SHISA9: variants seen among roughly 807,000 people sequenced by gnomAD.
The protein encoded by SHISA9 is protein shisa-9.
Under a neutral mutation model 38.0 loss-of-function variants are expected in SHISA9, and 13 were observed. That is an observed-to-expected ratio of 0.34 (90% CI 0.22 to 0.54). The LOEUF is 0.54. SHISA9 is among the 20% of genes least tolerant of loss of function. The pLI, the probability that SHISA9 is intolerant of heterozygous loss-of-function variation, is 0.91. For missense variants in SHISA9, 538 were observed against 575.8 expected (o/e 0.93, Z 0.67); for synonymous variants, 275 against 242.0 (o/e 1.14, Z -1.27).
At chr16:12,916,162 T>C (rs1221716039) in intron 1 of SHISA9, among the ~76,000 whole-genome samples, 1 of 152,142 alleles carries the variant, frequency 6.6e-6, no homozygotes, top group Non-Finnish European at 1.5e-5. Context: ...CTTGAGCAGG[T>C]CGATTCACCT....
At chr16:13,078,596 G>C (rs1398319628) in intron 2 of SHISA9, among the ~76,000 whole-genome samples, 2 of 152,074 alleles carry the variant, frequency 1.3e-5, no homozygotes, top group Non-Finnish European at 2.9e-5. Flanking sequence ...AGTAGAGATG[G>C]AGTTTTGCCA....
At chr16:13,288,437 G>A in the SHISA9 span, among the ~76,000 whole-genome samples, 1 of 151,920 alleles carries the variant, frequency 6.6e-6, no homozygotes, top group Non-Finnish European at 1.5e-5. Context: ...GATTGGGGGA[G>A]AGAGAGAGAA....
intron 2 of SHISA9, among the ~76,000 whole-genome samples, chr16:13,112,734 G>C (rs1027647685): frequency 6.6e-6 from 1 of 152,036 alleles, no homozygotes; most frequent in Admixed American, 6.6e-5. Flanking sequence ...CTGTTGGGAG[G>C]AGGTGCTTGG....
At chr16:13,059,121 CTTTTTTTTTTTTTT>C (rs3075088) in intron 2 of SHISA9, among the ~76,000 whole-genome samples, 9 of 74,836 alleles carry the variant, frequency 1.2e-4, no homozygotes, top group Non-Finnish European at 2.1e-4. Flanking sequence ...AAAACTCTAT[CTTTTTTTTTTTTTT>C]TTTTTTTTTT....
intron 2 of SHISA9, among the ~76,000 whole-genome samples, chr16:13,024,754 A>C (rs1453652112): frequency 6.6e-6 from 1 of 152,196 alleles, no homozygotes; most frequent in East Asian, 1.9e-4. Flanking sequence ...GAGCTTCCAC[A>C]TACGGCACTT....
chr16:13,458,086 A>G, the SHISA9 span, among the ~76,000 whole-genome samples: 2 of 152,146 alleles, frequency 1.3e-5, no homozygotes. Flanking sequence ...ATGAACCTAT[A>G]TTGAGCACCT....
chr16:12,936,483 AAGAG>A (rs951672201), intron 2 of SHISA9, among the ~76,000 whole-genome samples: 1 of 152,180 alleles, frequency 6.6e-6, no homozygotes, highest in African/African-American at 2.4e-5. Flanking sequence ...GAGGGGAAGA[AAGAG>A]AGAGAGTGTA....
chr16:13,310,299 C>A, the SHISA9 span, among the ~76,000 whole-genome samples: 35 of 151,522 alleles, frequency 2.3e-4, no homozygotes, highest in Non-Finnish European at 3.8e-4. Context: ...TTTTAAAAAG[C>A]TGCTTTTTTT....
chr16:12,911,512 G>C (rs772241719), intron 1 of SHISA9: 4 of 413,830 alleles, frequency 9.7e-6, no homozygotes, highest in Non-Finnish European at 1.3e-5. Flanking sequence ...AACCAAGCTT[G>C]AGGGTGAAAT....
At chr16:13,516,564 C>G in the SHISA9 span, among the ~76,000 whole-genome samples, 1 of 152,164 alleles carries the variant, frequency 6.6e-6, no homozygotes, top group African/African-American at 2.4e-5. Context: ...CTTTGGGAGG[C>G]TGAGGTGGGT....
chr16:13,249,518 G>A, the SHISA9 span, among the ~76,000 whole-genome samples: 2 of 152,248 alleles, frequency 1.3e-5, no homozygotes, highest in African/African-American at 4.8e-5. Flanking sequence ...GATAAGCATT[G>A]GTACACTGAG....
At chr16:13,225,809 T>C (rs1156333366) in intron 4 of SHISA9, among the ~76,000 whole-genome samples, 1 of 152,198 alleles carries the variant, frequency 6.6e-6, no homozygotes, top group Non-Finnish European at 1.5e-5. Context: ...TGTCTGCTGC[T>C]AATTAAGAGA....
the SHISA9 span, among the ~76,000 whole-genome samples, chr16:13,495,985 T>A: frequency 6.6e-6 from 1 of 151,892 alleles, no homozygotes; most frequent in African/African-American, 2.4e-5. Context: ...AAAAAAGCTA[T>A]CCTAAAAAAT....
At chr16:13,221,779 A>G (rs2142074744) in intron 4 of SHISA9, among the ~76,000 whole-genome samples, 1 of 152,222 alleles carries the variant, frequency 6.6e-6, no homozygotes, top group Admixed American at 6.5e-5. Flanking sequence ...ATTAGTAGAC[A>G]TTTTCCATCT....
Position 13,218,228 on chromosome 16 carries a change from C to T in SHISA9, c.895+4928C>T, listed in dbSNP as rs539429801. On this transcript the variant is annotated intron_variant, in intron 4 of 4. Transcript: ENST00000558583. ...GGACTTGACCCAGAATCACTGGAGA[C>T]GCTTGTTACAAATGTAGATCCTGGG... 3.3e-5 allele frequency among the ~76,000 whole-genome samples: 5 copies of T among 152,272 alleles called. No homozygotes were observed. The East Asian group carries it at 5.8e-4, about 18-fold the overall frequency.
At chr16:12,925,936 G>T (rs1164500497) in intron 2 of SHISA9, among the ~76,000 whole-genome samples, 1 of 152,056 alleles carries the variant, frequency 6.6e-6, no homozygotes, top group African/African-American at 2.4e-5. Flanking sequence ...ATGTTGGCCA[G>T]GCTGGTCTTG....
chr16:13,422,541 C>T, the SHISA9 span, among the ~76,000 whole-genome samples: 1 of 151,948 alleles, frequency 6.6e-6, no homozygotes, highest in East Asian at 1.9e-4. Context: ...ACCAAAAATA[C>T]AAAAATTAGC....
the SHISA9 span, among the ~76,000 whole-genome samples, chr16:13,542,110 G>A: frequency 9.2e-5 from 14 of 152,142 alleles, no homozygotes; most frequent in African/African-American, 3.4e-4. Context: ...GAGTGATGCT[G>A]CCATAAGCCA....
chr16:13,397,033 C>A, the SHISA9 span, among the ~76,000 whole-genome samples: 1 of 151,760 alleles, frequency 6.6e-6, no homozygotes. Context: ...GGACGAAGAC[C>A]TTTATGATGA....
Sources: gnomAD v4.1 joint callset for allele counts (sites outside exome capture counted in the v4.1 genomes callset) on GRCh38, gnomAD v4.1.1 for gene constraint, MANE v1.5 for transcripts, NCBI Gene and HGNC (gene_info 2026-07-23, HGNC 2026-07-21) for gene names.